COL6A6: variants seen among roughly 807,000 people sequenced by gnomAD.
COL6A6 encodes the protein collagen type VI alpha 6 chain.
In COL6A6, 183 loss-of-function variants were observed where a neutral mutation model predicts 208.6. The observed-to-expected ratio is 0.88, with a 90% CI of 0.78 to 0.99. The LOEUF is 0.99. COL6A6 is among the 50% of genes least tolerant of loss of function. COL6A6 has a pLI of 0.00. For missense variants in COL6A6, 2,816 were observed against 2,815.2 expected (o/e 1.00, Z -0.01); for synonymous variants, 973 against 1,011.8 (o/e 0.96, Z 0.73).
intron 8 of COL6A6, among the ~76,000 whole-genome samples, chr3:130,580,682 GGA>G (rs1219693234): frequency 6.6e-6 from 1 of 152,194 alleles, no homozygotes. Context: ...ATTCGTGAAA[GGA>G]GAGTGTATGA....
intron 8 of COL6A6, among the ~76,000 whole-genome samples, chr3:130,575,044 G>A (rs2063260497): frequency 1.3e-5 from 2 of 152,120 alleles, no homozygotes; most frequent in South Asian, 4.1e-4. Flanking sequence ...TGGAAGTAAA[G>A]TGTCTTAAAG....
In COL6A6 at chr3:130,563,310, G is replaced by T. The variant is rs549896105; in HGVS notation, c.307G>T (p.Gly103Trp). The T allele has an allele frequency of 6.2e-7, 1 of 1,613,972 alleles. No individual in the cohort carries two copies. Among genetic ancestry groups the T allele is most frequent in the Non-Finnish European group, 8.5e-7 (1 of 1,179,880 alleles). Residue 103 changes from glycine (G) to tryptophan (W), a missense_variant, in exon 3 of 37, where the codon GGG (glycine) becomes TGG (tryptophan). Transcript: ENST00000358511. ...HLRKNFGFIG[G>W]SLQIGKALQE... Reference sequence around the variant, plus strand: ...AAGGAAGAACTTTGGATTCATTGGCGGGTCCCTGCAGATAGGAAAGGCTCT... The same window carrying T: ...AAGGAAGAACTTTGGATTCATTGGCTGGTCCCTGCAGATAGGAAAGGCTCT...
intron 24 of COL6A6, among the ~76,000 whole-genome samples, chr3:130,624,814 G>T (rs2064835753): frequency 6.6e-6 from 1 of 152,088 alleles, no homozygotes; most frequent in Non-Finnish European, 1.5e-5. Context: ...CCCCAGGGTG[G>T]ACTGGGCACT....
At position 130,665,031 on chromosome 3, in the gene COL6A6, C is replaced by A. The variant is rs1377159327; in HGVS notation, c.6531C>A (p.Asn2177Lys). The A allele has an allele frequency of 6.2e-7, 1 of 1,607,872 alleles. No homozygotes were observed. Among genetic ancestry groups the A allele is most frequent in the East Asian group, 2.2e-5 (1 of 44,734 alleles). Reference protein sequence around the residue: ...RRAINKYPPINLKIKCNRLNS... With the variant: ...RRAINKYPPIKLKIKCNRLNS... Reference sequence around the variant, plus strand: ...CAATCAACAAATATCCACCAATAAACTTAAAAATAAAGTGCAACAGACTTA... The same window carrying A: ...CAATCAACAAATATCCACCAATAAAATTAAAAATAAAGTGCAACAGACTTA... The change falls in exon 36 of 37, where the codon AAC (asparagine) becomes AAA (lysine). Residue 2177 changes from asparagine to lysine, a missense_variant. Physicochemically the swap from Asn to Lys is moderately conservative, Grantham distance 94. Transcript: ENST00000358511.
Position 130,574,094 on chromosome 3 carries a change from T to C in COL6A6, c.3116T>C (p.Ile1039Thr), listed in dbSNP as rs756813472. Residue 1039 changes from isoleucine (I) to threonine (T), a missense_variant, in exon 8 of 37, where the codon ATA (isoleucine) becomes ACA (threonine). Coordinates refer to ENST00000358511, the MANE Select transcript of COL6A6 (RefSeq NM_001102608.3). ...GATGTCAGCCTCAACAGAGTGCGAA[T>C]AGGAGCGGCCCAGTTTAGCGATACC... is the stretch of plus-strand genomic sequence containing the variant. ...DFDVSLNRVR[I>T]GAAQFSDTYH... 1.3e-5 allele frequency: 21 copies of C among 1,613,878 alleles called. No homozygotes were observed. The highest frequency in any genetic ancestry group is 1.8e-5 in the Non-Finnish European group (21 of 1,179,892).
At chr3:130,525,189 G>C (rs1179493205) in intron 1 of COL6A6, among the ~76,000 whole-genome samples, 3 of 152,172 alleles carry the variant, frequency 2.0e-5, no homozygotes, top group Non-Finnish European at 4.4e-5. Context: ...ACTGCTATCT[G>C]TATATTCTGC....
chr3:130,576,046 G>C (rs2063288248), intron 8 of COL6A6, among the ~76,000 whole-genome samples: 1 of 152,148 alleles, frequency 6.6e-6, no homozygotes, highest in Admixed American at 6.5e-5. Context: ...GATCAGAGGA[G>C]CCCACAACAG....
intron 31 of COL6A6, among the ~76,000 whole-genome samples, 170 bp from the exon 32 acceptor site, chr3:130,644,821 T>C (rs949431144): frequency 6.6e-6 from 1 of 152,236 alleles, no homozygotes; most frequent in Non-Finnish European, 1.5e-5. Flanking sequence ...GAAAGAATAG[T>C]GCTTTTACCA....
At chr3:130,590,660 C>T (rs376114987) in intron 12 of COL6A6, among the ~76,000 whole-genome samples, 14 of 151,838 alleles carry the variant, frequency 9.2e-5, no homozygotes, top group South Asian at 2.1e-4. Flanking sequence ...CTCCGCCTCC[C>T]GGGTTCACGC....
intron 7 of COL6A6, among the ~76,000 whole-genome samples, chr3:130,572,920 C>A (rs1379831572): frequency 6.6e-6 from 1 of 151,946 alleles, no homozygotes; most frequent in African/African-American, 2.4e-5. Context: ...TACCAGAAAG[C>A]TAAGGAACAC....
At chr3:130,614,297 A>G (rs1333590778) in intron 23 of COL6A6, among the ~76,000 whole-genome samples, 2 of 152,132 alleles carry the variant, frequency 1.3e-5, no homozygotes, top group Non-Finnish European at 2.9e-5. Context: ...TTCTATTTAC[A>G]TGACGAATCA....
chr3:130,607,009 A>T, intron 21 of COL6A6, 43 bp downstream of exon 21: 1 of 1,472,738 alleles, frequency 6.8e-7, no homozygotes, highest in Non-Finnish European at 9.4e-7. Context: ...CAAATACTGC[A>T]TCCAATCAGG....
At chr3:130,577,622 C>G (rs1244611661) in intron 8 of COL6A6, among the ~76,000 whole-genome samples, 1 of 152,218 alleles carries the variant, frequency 6.6e-6, no homozygotes, top group Non-Finnish European at 1.5e-5. Context: ...TAAGGTGGTT[C>G]AGCATGTGGA....
chr3:130,611,947 A>C (rs1043876340), intron 23 of COL6A6, among the ~76,000 whole-genome samples: 2 of 151,972 alleles, frequency 1.3e-5, no homozygotes, highest in Admixed American at 6.6e-5. Flanking sequence ...CTTTACTTTC[A>C]AGTAGGCCTC....
chr3:130,591,159 A>T, intron 13 of COL6A6, 65 bp downstream of exon 13: 2 of 1,174,268 alleles, frequency 1.7e-6, no homozygotes, highest in Non-Finnish European at 2.5e-6. Flanking sequence ...AATTTCCTTG[A>T]GTCAATTCAG....
At chr3:130,651,934 T>C (rs377719016) in intron 33 of COL6A6, among the ~76,000 whole-genome samples, 13 of 152,358 alleles carry the variant, frequency 8.5e-5, no homozygotes, top group East Asian at 5.8e-4. Context: ...GAATCTGGTT[T>C]CTTGATTCTA....
At chr3:130,537,569 T>C (rs886991592) in intron 1 of COL6A6, among the ~76,000 whole-genome samples, 2 of 152,238 alleles carry the variant, frequency 1.3e-5, no homozygotes, top group African/African-American at 4.8e-5. Context: ...TGAATCTCTT[T>C]AGTTGTGTTT....
chr3:130,639,520 C>G (rs2065250677), intron 28 of COL6A6, among the ~76,000 whole-genome samples: 1 of 152,002 alleles, frequency 6.6e-6, no homozygotes, highest in Non-Finnish European at 1.5e-5. Flanking sequence ...TGGCCAAACC[C>G]CATCTCTACA....
chr3:130,591,188 AGATTCTAAG>A, intron 13 of COL6A6, 94 bp downstream of exon 13: 1 of 902,898 alleles, frequency 1.1e-6, no homozygotes, highest in Non-Finnish European at 1.8e-6. Flanking sequence ...AAGAAAGGTG[AGATTCTAAG>A]GATTCGTGTA....
Sources: gnomAD v4.1 joint callset for allele counts (sites outside exome capture counted in the v4.1 genomes callset) on GRCh38, gnomAD v4.1.1 for gene constraint, MANE v1.5 for transcripts, NCBI Gene and HGNC (gene_info 2026-07-23, HGNC 2026-07-21) for gene names.